Variants in BTLA observed in about 807,000 individuals in gnomAD.
The protein encoded by BTLA is B and T lymphocyte associated.
BTLA carries 11 observed loss-of-function variants against 25.0 expected under a neutral mutation model. The observed-to-expected ratio is 0.44, with a 90% CI of 0.28 to 0.73. The LOEUF (loss-of-function observed/expected upper bound fraction) is 0.73, where lower values mean the gene tolerates loss of function less well. Ranked by LOEUF, BTLA falls within the 30% of genes least tolerant of loss-of-function variation. The pLI is 0.15. For synonymous variants in BTLA, 104 were observed against 119.8 expected (o/e 0.87, Z 0.86); for missense variants, 282 against 332.8 (o/e 0.85, Z 1.19).
chr3:112,494,450 C>A (rs894391215), intron 1 of BTLA, among the ~76,000 whole-genome samples: 1 of 152,176 alleles, frequency 6.6e-6, no homozygotes, highest in Non-Finnish European at 1.5e-5. Context: ...AAGACACATG[C>A]ACACGTATGT....
At chr3:112,469,981 C>T (rs2082253577) in intron 3 of BTLA, 177 bp from the exon 4 acceptor site, 1 of 524,056 alleles carries the variant, frequency 1.9e-6, no homozygotes, top group Non-Finnish European at 3.4e-6. Context: ...CCAGCTCTCT[C>T]TCTGGTTCAT....
intron 1 of BTLA, among the ~76,000 whole-genome samples, chr3:112,485,041 T>G (rs2107327565): frequency 6.6e-6 from 1 of 152,228 alleles, no homozygotes; most frequent in African/African-American, 2.4e-5. Context: ...TTCTATTTTT[T>G]TTAATTAATT....
intron 2 of BTLA, among the ~76,000 whole-genome samples, chr3:112,474,048 G>A (rs1268838911): frequency 2.0e-5 from 3 of 152,076 alleles, no homozygotes; most frequent in Non-Finnish European, 2.9e-5. Flanking sequence ...GTTGTGCAAG[G>A]TGCTTTTCTT....
intron 1 of BTLA, among the ~76,000 whole-genome samples, chr3:112,481,502 A>C (rs2082318001): frequency 1.3e-5 from 2 of 152,234 alleles, no homozygotes; most frequent in African/African-American, 4.8e-5. Context: ...GCTGGAATTC[A>C]GAGAACAGAA....
chr3:112,488,645 G>T (rs989659256), intron 1 of BTLA, among the ~76,000 whole-genome samples: 1 of 151,868 alleles, frequency 6.6e-6, no homozygotes, highest in Non-Finnish European at 1.5e-5. Context: ...ACGGAGTCTC[G>T]CTCTGTCACC....
intron 1 of BTLA, among the ~76,000 whole-genome samples, chr3:112,484,680 C>G (rs964922711): frequency 2.6e-5 from 4 of 152,212 alleles, no homozygotes; most frequent in Non-Finnish European, 5.9e-5. Context: ...CAAGTTCTGT[C>G]TTTTGTGACT....
intron 1 of BTLA, among the ~76,000 whole-genome samples, chr3:112,491,405 C>A (rs2082379302): frequency 6.6e-6 from 1 of 152,060 alleles, no homozygotes; most frequent in Non-Finnish European, 1.5e-5. Context: ...TTTTAGATAC[C>A]AAACATGTAT....
chr3:112,476,663 A>G (rs1251288642), intron 2 of BTLA, among the ~76,000 whole-genome samples: 2 of 152,202 alleles, frequency 1.3e-5, no homozygotes, highest in Non-Finnish European at 2.9e-5. Context: ...TTTGATCCAA[A>G]TATATTTTTA....
At chr3:112,476,206 G>A (rs948529694) in intron 2 of BTLA, among the ~76,000 whole-genome samples, 10 of 152,270 alleles carry the variant, frequency 6.6e-5, no homozygotes, top group African/African-American at 9.6e-5. Flanking sequence ...AACTAGCACC[G>A]AGCTTCACGC....
intron 1 of BTLA, among the ~76,000 whole-genome samples, chr3:112,481,171 T>C (rs1255044588): frequency 1.3e-5 from 2 of 152,184 alleles, no homozygotes; most frequent in Non-Finnish European, 2.9e-5. Flanking sequence ...ACTCACAAGT[T>C]GGAGACTCCT....
chr3:112,466,126 G>A lies in BTLA; in HGVS notation c.852C>T (p.Ser284=), dbSNP rs1298998265. ...NVKEAPTEYA[S]ICVRS ...AACAGACTTAACTCCTCACACATAT[G>A]GATGCATATTCTGTTGGTGCTTCTT... Residue 284 remains serine, a synonymous_variant, in exon 5 of 5, where the codon TCC becomes TCT. Transcript: ENST00000334529. 2 of 1,601,970 alleles carry A rather than the reference G, an allele frequency of 1.2e-6. No individual in the cohort carries two copies. The highest frequency in any genetic ancestry group is 1.7e-6 in the Non-Finnish European group (2 of 1,170,666).
chr3:112,493,876 G>T (rs1032813037), intron 1 of BTLA, among the ~76,000 whole-genome samples: 7 of 152,216 alleles, frequency 4.6e-5, no homozygotes, highest in African/African-American at 1.7e-4. Flanking sequence ...ACTTTGGGAG[G>T]CCGAGACAGG....
chr3:112,483,461 C>A (rs2082329346), intron 1 of BTLA, among the ~76,000 whole-genome samples: 1 of 151,796 alleles, frequency 6.6e-6, no homozygotes, highest in South Asian at 2.1e-4. Flanking sequence ...ATCAATTTAC[C>A]TTCTAGACAC....
At chr3:112,477,566 T>A (rs1037579766) in intron 2 of BTLA, among the ~76,000 whole-genome samples, 2 of 152,096 alleles carry the variant, frequency 1.3e-5, no homozygotes, top group South Asian at 2.1e-4. Flanking sequence ...AATTTTAGTA[T>A]CTTTTGATGC....
intron 1 of BTLA, among the ~76,000 whole-genome samples, chr3:112,482,325 A>G (rs2082322228): frequency 2.0e-5 from 3 of 152,324 alleles, no homozygotes; most frequent in Middle Eastern, 3.4e-3. Flanking sequence ...AGTGTAACAG[A>G]GATGATAGCC....
At chr3:112,468,222 G>C (rs2082240624) in intron 4 of BTLA, among the ~76,000 whole-genome samples, 1 of 152,178 alleles carries the variant, frequency 6.6e-6, no homozygotes, top group Non-Finnish European at 1.5e-5. Context: ...GTACAATTCA[G>C]TGGTTTTTAT....
chr3:112,487,700 C>A (rs1028154588), intron 1 of BTLA, among the ~76,000 whole-genome samples: 1 of 152,132 alleles, frequency 6.6e-6, no homozygotes, highest in Non-Finnish European at 1.5e-5. Context: ...ACATTAGTAA[C>A]GAGACAGTTT....
intron 1 of BTLA, among the ~76,000 whole-genome samples, chr3:112,481,115 A>C (rs1227492737): frequency 1.3e-5 from 2 of 152,228 alleles, no homozygotes; most frequent in African/African-American, 4.8e-5. Context: ...TCCAAAACCC[A>C]ACAGAGAAAT....
Position 112,465,920 on chromosome 3 carries a change from C to T in BTLA, c.*188G>A, listed in dbSNP as rs945075982. ...ATTCAAGGCTATAATATAAAAAGCT[C>T]CCAAATAAGTTTCTGAGAGAAATTT... On this transcript the variant is annotated 3_prime_UTR_variant, in exon 5 of 5. Coordinates refer to ENST00000334529, the MANE Select transcript of BTLA (RefSeq NM_181780.4). 1.9e-5 allele frequency: 10 copies of T among 530,250 alleles called. No individual in the cohort carries two copies. Among genetic ancestry groups the T allele is most frequent in the Non-Finnish European group, 2.7e-5 (9 of 329,302 alleles). 32.8% of individuals were successfully genotyped at this position (530,250 alleles called of 1,614,324 possible). A position where few individuals can be genotyped will look rare whatever the true frequency, so the allele number is the denominator to read the frequency against.
Sources: allele counts gnomAD v4.1 joint callset (sites outside exome capture counted in the v4.1 genomes callset), GRCh38; gene constraint gnomAD v4.1.1; transcripts MANE v1.5; gene names NCBI Gene and HGNC (gene_info 2026-07-23, HGNC 2026-07-21).